DLEU7: variants seen among roughly 807,000 people sequenced by gnomAD.
The protein encoded by DLEU7 is deleted in lymphocytic leukemia 7, also known as leukemia-associated protein 7.
In DLEU7, 17 loss-of-function variants were observed where a neutral mutation model predicts 16.0. The observed-to-expected ratio is 1.06, with a 90% CI of 0.73 to 1.59. The LOEUF is 1.59. DLEU7 is among the 40% of genes most tolerant of loss of function. The pLI is 0.00. For synonymous variants in DLEU7, 113 were observed against 139.8 expected (o/e 0.81, Z 1.35); for missense variants, 308 against 314.9 (o/e 0.98, Z 0.17).
chr13:50,768,080 C>A (rs893503289), intron 1 of DLEU7, among the ~76,000 whole-genome samples: 2 of 152,112 alleles, frequency 1.3e-5, no homozygotes, highest in African/African-American at 4.8e-5. Context: ...TCCTTTCTTC[C>A]TGTAGCTCTG....
chr13:50,789,374 CAG>C (rs1405988500), intron 1 of DLEU7, among the ~76,000 whole-genome samples: 1 of 148,044 alleles, frequency 6.8e-6, no homozygotes, highest in Non-Finnish European at 1.5e-5. Context: ...TGCAAACATT[CAG>C]TGTGAATGTT....
intron 1 of DLEU7, among the ~76,000 whole-genome samples, chr13:50,832,396 T>A (rs1350111284): frequency 1.3e-5 from 2 of 152,206 alleles, no homozygotes. Flanking sequence ...TTAATCTGGC[T>A]AGCAGTCTAT....
intron 1 of DLEU7, among the ~76,000 whole-genome samples, chr13:50,792,440 A>G (rs984449231): frequency 2.6e-4 from 40 of 152,190 alleles, no homozygotes; most frequent in African/African-American, 9.2e-4. Flanking sequence ...ACTTCCCTTT[A>G]GCTATTCCCT....
chr13:50,716,406 T>C (rs1873439493), intron 1 of DLEU7, among the ~76,000 whole-genome samples: 1 of 152,264 alleles, frequency 6.6e-6, no homozygotes, highest in African/African-American at 2.4e-5. Flanking sequence ...GCCCTCTTGG[T>C]ACCATATTGA....
chr13:50,767,389 G>A (rs1220382685), intron 1 of DLEU7, among the ~76,000 whole-genome samples: 1 of 151,244 alleles, frequency 6.6e-6, no homozygotes, highest in African/African-American at 2.4e-5. Context: ...CCGGGAGGCG[G>A]AGCTTGCAGT....
rs1057132261 is a variant in DLEU7 at position 50,839,668 on chromosome 13, T to C, written c.459+3520A>G. 5.9e-5 allele frequency among the ~76,000 whole-genome samples: 9 copies of C among 152,270 alleles called. 1 individual carries two copies. The highest frequency in any genetic ancestry group is 1.9e-4 in the African/African-American group (8 of 41,560). On this transcript the variant is annotated intron_variant, in intron 1 of 1. Transcript: ENST00000504404. ...CTCTTTGGGTCATCCTAAGTCTGTT[T>C]TTGTCAATAGTTCCAGAAAAGCAGA...
chr13:50,817,143 C>T (rs752306647), intron 1 of DLEU7, among the ~76,000 whole-genome samples: 2 of 151,970 alleles, frequency 1.3e-5, no homozygotes, highest in South Asian at 2.1e-4. Flanking sequence ...AAAATAAAGC[C>T]GTGATTATTA....
Position 50,725,806 on chromosome 13 carries a change from A to G in DLEU7, c.460-12566T>C, listed in dbSNP as rs2476615. Among the ~76,000 whole-genome samples the G allele has an allele frequency of 3.0e-3, 450 of 151,980 alleles. 2 individuals carry two copies. The highest frequency in any genetic ancestry group is 0.01 in the African/African-American group (426 of 41,518). Reference sequence around the variant, plus strand: ...ATTTTATTTTATTTTTCTGTACTACATCAACCAGTGGATTTTTTTTTTATT... The same window carrying G: ...ATTTTATTTTATTTTTCTGTACTACGTCAACCAGTGGATTTTTTTTTTATT... On this transcript the variant is annotated intron_variant, in intron 1 of 1. Transcript: ENST00000400393.
At chr13:50,790,657 G>C (rs550044333) in intron 1 of DLEU7, among the ~76,000 whole-genome samples, 1 of 152,212 alleles carries the variant, frequency 6.6e-6, no homozygotes, top group South Asian at 2.1e-4. Context: ...GATGCGAGGG[G>C]TGTGGGGTGG....
At position 50,843,272 on chromosome 13, in the gene DLEU7, C is replaced by T. The variant is rs957513324; in HGVS notation, c.375G>A (p.Val125=). 44 of 1,589,256 alleles carry T rather than the reference C, an allele frequency of 2.8e-5. No homozygotes were observed. The highest frequency in any genetic ancestry group is 3.8e-5 in the Non-Finnish European group (44 of 1,167,958). ...CGCTGACCAGCTCCGAAGTCGAGTC[C>T]ACCACGCGGGCCAGCGCGCTGCGCA... The part of the protein sequence containing the change: ...MAMRSALARV[V]DSTSELVSVE... Residue 125 remains valine (V), a synonymous_variant, in exon 1 of 2, where the codon GTG becomes GTA. Transcript: ENST00000504404. This position sits in a 1 kb window ranked among gnomAD's most constrained non-coding sequence, Gnocchi z 5.7.
In DLEU7 at chr13:50,771,582, G is replaced by A. The variant is rs536596944; in HGVS notation, c.460-58342C>T. On this transcript the variant is annotated intron_variant, in intron 1 of 1. Coordinates refer to the DLEU7 transcript ENST00000400393. ...CATGTAGTTGTGCAGTTTTGAGTGA[G>A]TTTCTTAATCCTGAGTTCTAGTTTG... Among the ~76,000 whole-genome samples, 4 of 152,342 alleles carry A rather than the reference G, an allele frequency of 2.6e-5. No homozygotes were observed. The East Asian group carries it at 5.8e-4, about 22-fold the overall frequency.
intron 1 of DLEU7, among the ~76,000 whole-genome samples, chr13:50,782,936 C>G (rs1219223208): frequency 1.3e-5 from 2 of 152,226 alleles, no homozygotes; most frequent in Admixed American, 6.5e-5. Context: ...GCTCCCAAGA[C>G]AGTTTCCCAC....
chr13:50,786,072 C>T (rs1728173406), intron 1 of DLEU7, among the ~76,000 whole-genome samples: 1 of 152,148 alleles, frequency 6.6e-6, no homozygotes, highest in Non-Finnish European at 1.5e-5. Context: ...AGAGATTTGG[C>T]AGAAGGAGAC....
At chr13:50,794,776 A>G (rs1232875086) in intron 1 of DLEU7, among the ~76,000 whole-genome samples, 4 of 152,138 alleles carry the variant, frequency 2.6e-5, no homozygotes, top group Admixed American at 1.3e-4. Context: ...GAAGTTCACA[A>G]TCAATGTTAA....
intron 1 of DLEU7, among the ~76,000 whole-genome samples, chr13:50,794,484 G>A (rs1229092216): frequency 6.6e-6 from 1 of 152,096 alleles, no homozygotes; most frequent in Non-Finnish European, 1.5e-5. Flanking sequence ...ATAAAATTCA[G>A]GGCTTCTGAC....
At chr13:50,733,809 A>G (rs182158895) in intron 1 of DLEU7, among the ~76,000 whole-genome samples, 1 of 152,348 alleles carries the variant, frequency 6.6e-6, no homozygotes, top group East Asian at 1.9e-4. Flanking sequence ...TTATATAACT[A>G]TCATTAAAGC....
intron 1 of DLEU7, among the ~76,000 whole-genome samples, chr13:50,731,524 A>T (rs73492049): frequency 0.037 from 5,640 of 152,262 alleles, 352 homozygotes; most frequent in African/African-American, 0.12. Flanking sequence ...TGTTGGACAG[A>T]TTGGAGCTGG....
chr13:50,803,686 TTTAA>T (rs923535409), intron 1 of DLEU7, among the ~76,000 whole-genome samples: 45 of 152,236 alleles, frequency 3.0e-4, no homozygotes, highest in African/African-American at 8.4e-4. Flanking sequence ...AATTAATTTC[TTTAA>T]TTAAAGAAAA....
At chr13:50,840,496 G>C (rs149713149) in intron 1 of DLEU7, among the ~76,000 whole-genome samples, 63 of 152,316 alleles carry the variant, frequency 4.1e-4, no homozygotes, top group South Asian at 8.3e-4. Context: ...AGCCCTCGCT[G>C]TTCCCAGGGG....
Sources: gnomAD v4.1 joint callset for allele counts (sites outside exome capture counted in the v4.1 genomes callset) on GRCh38, gnomAD v4.1.1 for gene constraint, Gnocchi (gnomAD v3.1) non-coding constraint, MANE v1.5 for transcripts, NCBI Gene and HGNC (gene_info 2026-07-23, HGNC 2026-07-21) for gene names.